HNF1B: variants seen among roughly 807,000 people sequenced by gnomAD.
HNF1B encodes the protein hepatocyte nuclear factor 1-beta.
HNF1B carries 8 observed loss-of-function variants against 61.7 expected under a neutral mutation model. The observed-to-expected ratio is 0.13, with a 90% CI of 0.08 to 0.23. HNF1B has a LOEUF of 0.23. Ranked by LOEUF, HNF1B falls within the 10% of genes least tolerant of loss-of-function variation. HNF1B has a pLI of 1.00. For synonymous variants in HNF1B, 314 were observed against 287.7 expected (o/e 1.09, Z -0.93); for missense variants, 562 against 714.5 (o/e 0.79, Z 2.43).
Position 37,733,683 on chromosome 17 carries a change from TTGG to T in HNF1B, c.680_682del (p.Thr227del). 1 of 1,614,130 alleles carries T rather than the reference TTGG, an allele frequency of 6.2e-7. No homozygotes were observed. The highest frequency in any genetic ancestry group is 8.5e-7 in the Non-Finnish European group (1 of 1,180,016). ...GAACCGGTTGCGGCGCATCTTCTTG[TTGG>T]TGGGCTCAGAGCAGGCATCATCGGA... On this transcript the variant is annotated inframe_deletion, in exon 3 of 9. Transcript: ENST00000617811.
chr17:37,699,120 T>C lies in HNF1B; in HGVS notation c.1609A>G (p.Thr537Ala). Residue 537 changes from threonine (T) to alanine (A), a missense_variant, in exon 8 of 9, where the codon ACC becomes GCC. Thr to Ala is a moderately conservative substitution (Grantham distance 58). Around this residue, in one of 6 missense-constraint regions of HNF1B, gnomAD observed 64 missense variants for 96.9 expected, o/e 0.66. Coordinates refer to ENST00000617811, the MANE Select transcript of HNF1B (RefSeq NM_000458.4). ...RFPSAMVVTD[T>A]SSISTLTNMS... ...TTGGTGAGTGTACTGATGCTGCTGG[T>C]ATCTGTGACCACCATTGCAGATGGA... is the stretch of plus-strand genomic sequence containing the variant. 2 of 1,614,104 alleles carry C rather than the reference T, an allele frequency of 1.2e-6. No homozygotes were observed. The highest frequency in any genetic ancestry group is 2.2e-5 in the South Asian group (2 of 91,068).
chr17:37,742,914 C>A (rs1426508875), intron 1 of HNF1B, among the ~76,000 whole-genome samples: 1 of 151,742 alleles, frequency 6.6e-6, no homozygotes, highest in Non-Finnish European at 1.5e-5. Context: ...TTTTGATCTC[C>A]TTCCCCCCTC....
intron 4 of HNF1B, among the ~76,000 whole-genome samples, chr17:37,728,385 C>A (rs1362595729): frequency 2.6e-5 from 4 of 151,444 alleles, no homozygotes; most frequent in Non-Finnish European, 5.9e-5. Flanking sequence ...CTGCTCCCTG[C>A]AAGCTCCGCC....
chr17:37,733,302 T>A (rs2033741918), intron 3 of HNF1B, among the ~76,000 whole-genome samples: 1 of 152,182 alleles, frequency 6.6e-6, no homozygotes, highest in Non-Finnish European at 1.5e-5. Context: ...CAAAGCTAAG[T>A]GGGTTTCTTG....
At chr17:37,689,146 C>CCAAA (rs1459779963) in intron 8 of HNF1B, among the ~76,000 whole-genome samples, 4 of 62,424 alleles carry the variant, frequency 6.4e-5, no homozygotes, top group East Asian at 8.9e-4. Context: ...CTTGGTCTCA[C>CCAAA]AAAAAAAAAA....
intron 1 of HNF1B, 103 bp downstream of exon 1, chr17:37,744,438 G>A: frequency 1.6e-6 from 2 of 1,222,142 alleles, no homozygotes; most frequent in Non-Finnish European, 2.3e-6. Flanking sequence ...CTTCTCTGGT[G>A]GGAAACGGGC....
rs148713761 is a variant in HNF1B at position 37,733,709 on chromosome 17, G to C, written c.657C>G (p.Ser219=). The change falls in exon 3 of 9, where the codon TCC becomes TCG. Residue 219 remains serine (S), a synonymous_variant. Transcript: ENST00000617811. ...FSQQSHGPGQ[S]DDACSEPTNK... is the part of the protein sequence containing the mutation. ...TGGTGGGCTCAGAGCAGGCATCATC[G>C]GACTGCCCAGGCCCATGGCTCTGTT... is the stretch of plus-strand genomic sequence containing the variant. 6.9e-5 allele frequency: 112 copies of C among 1,614,000 alleles called. No individual in the cohort carries two copies. Among genetic ancestry groups the C allele is most frequent in the Non-Finnish European group, 9.1e-5 (107 of 1,180,036 alleles).
At chr17:37,692,233 C>T (rs1488930649) in intron 8 of HNF1B, among the ~76,000 whole-genome samples, 1 of 152,228 alleles carries the variant, frequency 6.6e-6, no homozygotes, top group Non-Finnish European at 1.5e-5. Flanking sequence ...GCCCTTGGGG[C>T]ATGTCTGCCT....
intron 5 of HNF1B, 78 bp from the exon 6 acceptor site, chr17:37,705,127 G>A: frequency 7.0e-7 from 1 of 1,421,818 alleles, no homozygotes; most frequent in Non-Finnish European, 9.8e-7. Context: ...ATGTGACTTA[G>A]CGATTCCTTG....
chr17:37,726,886 C>T (rs2033516997), intron 4 of HNF1B, among the ~76,000 whole-genome samples: 1 of 152,168 alleles, frequency 6.6e-6, no homozygotes. Context: ...AATAAGTCCC[C>T]CCTTCCCTCT....
chr17:37,687,096 G>T lies in HNF1B; in HGVS notation c.*276C>A. On this transcript the variant is annotated 3_prime_UTR_variant, in exon 9 of 9. Transcript: ENST00000617811. ...AGTACGGCTTTCTTGCTTCCTCTTCGGAGGTTCCTTGTCTCCCACCTCCAG... is the reference window on the plus strand; with the variant it reads ...AGTACGGCTTTCTTGCTTCCTCTTCTGAGGTTCCTTGTCTCCCACCTCCAG... 2 of 614,992 alleles carry T rather than the reference G, an allele frequency of 3.3e-6. No homozygotes were observed. The highest frequency in any genetic ancestry group is 5.5e-5 in the East Asian group (2 of 36,364). 38.1% of individuals were successfully genotyped at this position (614,992 alleles called of 1,614,324 possible). A position where few individuals can be genotyped will look rare whatever the true frequency, so the allele number is the denominator to read the frequency against.
At chr17:37,742,676 T>C (rs1028170564) in intron 1 of HNF1B, among the ~76,000 whole-genome samples, 3 of 151,950 alleles carry the variant, frequency 2.0e-5, no homozygotes, top group Admixed American at 2.0e-4. Flanking sequence ...CCTGCCCTGC[T>C]GGGGCCTGGG....
chr17:37,730,346 T>C (rs2033645363), intron 4 of HNF1B: 1 of 152,434 alleles, frequency 6.6e-6, no homozygotes, highest in African/African-American at 2.4e-5. Flanking sequence ...AGTCTTTGCC[T>C]AGGGGCTTCT....
chr17:37,710,427 G>A, intron 5 of HNF1B, 76 bp downstream of exon 5: 1 of 1,546,636 alleles, frequency 6.5e-7, no homozygotes, highest in Non-Finnish European at 8.9e-7. Context: ...GTTTGAGGCA[G>A]GCCTTGTGAG....
At chr17:37,720,423 G>T (rs1189732729) in intron 4 of HNF1B, among the ~76,000 whole-genome samples, 1 of 152,092 alleles carries the variant, frequency 6.6e-6, no homozygotes, top group African/African-American at 2.4e-5. Flanking sequence ...ACATTAATTT[G>T]TGAACTGTAT....
chr17:37,691,067 C>G (rs188134901), intron 8 of HNF1B, among the ~76,000 whole-genome samples: 45 of 152,276 alleles, frequency 3.0e-4, no homozygotes, highest in African/African-American at 9.1e-4. Context: ...GTAGAAGAAC[C>G]AGGAATGGTA....
At chr17:37,702,192 G>T (rs1489245323) in intron 6 of HNF1B, among the ~76,000 whole-genome samples, 1 of 152,152 alleles carries the variant, frequency 6.6e-6, no homozygotes, top group Non-Finnish European at 1.5e-5. Flanking sequence ...CCAGAAAAAG[G>T]TCTGTTTTAG....
chr17:37,689,209 C>T (rs2032104507), intron 8 of HNF1B, among the ~76,000 whole-genome samples: 1 of 150,924 alleles, frequency 6.6e-6, no homozygotes, highest in African/African-American at 2.4e-5. Flanking sequence ...AGGAGACAGG[C>T]TTCTGACCCT....
intron 2 of HNF1B, among the ~76,000 whole-genome samples, chr17:37,736,371 G>A (rs1031906739): frequency 6.6e-6 from 1 of 152,210 alleles, no homozygotes; most frequent in African/African-American, 2.4e-5. Context: ...GAGGTATTGT[G>A]CCAAATCCTC....
Sources: gnomAD v4.1 joint callset for allele counts (sites outside exome capture counted in the v4.1 genomes callset) on GRCh38, gnomAD v4.1.1 for gene constraint, gnomAD v4.1.1 regional missense constraint, MANE v1.5 for transcripts, NCBI Gene and HGNC (gene_info 2026-07-23, HGNC 2026-07-21) for gene names.